Variants in PRELID2 observed in about 807,000 individuals in gnomAD.
The protein encoded by PRELID2 is PRELI domain containing 2.
PRELID2 carries 25 observed loss-of-function variants against 28.4 expected under a neutral mutation model. That is an observed-to-expected ratio of 0.88 (90% CI 0.64 to 1.23). The LOEUF is 1.23. Among genes scored for constraint, PRELID2 ranks in the 50% most tolerant of loss-of-function variants. The pLI, the probability that PRELID2 is intolerant of heterozygous loss-of-function variation, is 0.00. For missense variants in PRELID2, 201 were observed against 214.4 expected, an observed-to-expected ratio of 0.94 and a Z score of 0.39; for synonymous variants, 76 against 71.6, an observed-to-expected ratio of 1.06 and a Z score of -0.31.
the PRELID2 span, chr5:145,229,862 G>T: frequency 2.7e-6 from 2 of 754,122 alleles, no homozygotes; most frequent in Non-Finnish European, 4.9e-6. Flanking sequence ...AAGGGAAAGT[G>T]CAGGTGCCGG....
the PRELID2 span, among the ~76,000 whole-genome samples, chr5:145,451,389 C>A: frequency 1.3e-5 from 2 of 152,330 alleles, no homozygotes; most frequent in East Asian, 3.9e-4. Flanking sequence ...TACCGGTCAT[C>A]TTTGTTTTCT....
At chr5:145,348,145 A>C in the PRELID2 span, among the ~76,000 whole-genome samples, 1 of 152,182 alleles carries the variant, frequency 6.6e-6, no homozygotes, top group African/African-American at 2.4e-5. Flanking sequence ...GTTACGTGGC[A>C]ACAAACAAGA....
intron 1 of PRELID2, among the ~76,000 whole-genome samples, chr5:145,590,826 C>G (rs1223933372): frequency 6.6e-6 from 1 of 152,032 alleles, no homozygotes; most frequent in Non-Finnish European, 1.5e-5. Context: ...TGCCTATGCC[C>G]CCCACTGACA....
At chr5:145,391,343 C>A in the PRELID2 span, among the ~76,000 whole-genome samples, 2 of 152,200 alleles carry the variant, frequency 1.3e-5, no homozygotes, top group South Asian at 4.1e-4. Flanking sequence ...TTCCCCAAGG[C>A]TTGGGGTTTG....
At chr5:145,766,258 C>T (rs1757754121) in intron 5 of PRELID2, among the ~76,000 whole-genome samples, 3 of 152,072 alleles carry the variant, frequency 2.0e-5, no homozygotes, top group South Asian at 4.1e-4. Context: ...ATAAGGGGAA[C>T]TTAAAATACA....
At chr5:145,427,299 AT>A in the PRELID2 span, among the ~76,000 whole-genome samples, 1 of 152,214 alleles carries the variant, frequency 6.6e-6, no homozygotes, top group Non-Finnish European at 1.5e-5. Context: ...CTGGCTATGA[AT>A]TTTAACCCTC....
chr5:145,424,092 T>G, the PRELID2 span, among the ~76,000 whole-genome samples: 2 of 151,114 alleles, frequency 1.3e-5, no homozygotes, highest in African/African-American at 4.9e-5. Context: ...AGTCTGCCTG[T>G]TCTCAGATCT....
chr5:145,250,844 A>G, the PRELID2 span, among the ~76,000 whole-genome samples: 1 of 152,164 alleles, frequency 6.6e-6, no homozygotes, highest in Admixed American at 6.6e-5. Flanking sequence ...TTGGGAGGTT[A>G]GGTTGTGGAT....
intron 1 of PRELID2, among the ~76,000 whole-genome samples, chr5:145,735,926 T>C (rs1756483779): frequency 6.6e-6 from 1 of 152,214 alleles, no homozygotes; most frequent in Admixed American, 6.5e-5. Context: ...CTCGGCGCTC[T>C]CTCTGAAGTG....
intron 4 of PRELID2, among the ~76,000 whole-genome samples, chr5:145,805,788 T>C (rs1167157165): frequency 2.0e-5 from 3 of 152,206 alleles, no homozygotes; most frequent in African/African-American, 7.2e-5. Flanking sequence ...GGCTAGATGG[T>C]ATAGCCTATT....
the PRELID2 span, among the ~76,000 whole-genome samples, chr5:145,295,948 C>G: frequency 6.6e-6 from 1 of 151,998 alleles, no homozygotes; most frequent in Admixed American, 6.6e-5. Context: ...AAGACTTTTC[C>G]TTTATACTTG....
chr5:145,346,559 T>C, the PRELID2 span, among the ~76,000 whole-genome samples: 5 of 152,122 alleles, frequency 3.3e-5, no homozygotes, highest in Non-Finnish European at 7.4e-5. Context: ...TTAGGGGCTT[T>C]AAAACTAATA....
the PRELID2 span, among the ~76,000 whole-genome samples, chr5:145,430,331 T>C: frequency 6.6e-6 from 1 of 152,212 alleles, no homozygotes; most frequent in Non-Finnish European, 1.5e-5. Flanking sequence ...ACAAATTTCT[T>C]TGGCTTTGTA....
chr5:145,385,006 G>A, the PRELID2 span, among the ~76,000 whole-genome samples: 1 of 152,102 alleles, frequency 6.6e-6, no homozygotes, highest in Non-Finnish European at 1.5e-5. Flanking sequence ...AACCAGAACA[G>A]TAGTTTCTGA....
the PRELID2 span, among the ~76,000 whole-genome samples, chr5:145,423,933 T>C: frequency 2.0e-5 from 3 of 150,104 alleles, no homozygotes; most frequent in African/African-American, 7.4e-5. Context: ...GTCCTTTCTG[T>C]TTGTTAGTTT....
chr5:145,281,688 C>G, the PRELID2 span, among the ~76,000 whole-genome samples: 1 of 152,128 alleles, frequency 6.6e-6, no homozygotes, highest in Non-Finnish European at 1.5e-5. Flanking sequence ...AGTAGAAAGC[C>G]TTGTTTGTAT....
chr5:145,788,006 T>G (rs1164035679), intron 5 of PRELID2, among the ~76,000 whole-genome samples: 1 of 152,172 alleles, frequency 6.6e-6, no homozygotes, highest in Non-Finnish European at 1.5e-5. Context: ...AACACTGACC[T>G]AAGGAAAGCC....
chr5:145,249,904 T>C, the PRELID2 span, among the ~76,000 whole-genome samples: 1 of 151,736 alleles, frequency 6.6e-6, no homozygotes, highest in Non-Finnish European at 1.5e-5. Context: ...GTCAGTATAG[T>C]TTCCATGCCT....
chr5:145,606,957 T>A (rs1354132153), intron 1 of PRELID2, among the ~76,000 whole-genome samples: 1 of 152,168 alleles, frequency 6.6e-6, no homozygotes, highest in African/African-American at 2.4e-5. Context: ...AGTTTCTTCC[T>A]GGATCAATCT....
Sources: allele counts gnomAD v4.1 joint callset (sites outside exome capture counted in the v4.1 genomes callset), GRCh38; gene constraint gnomAD v4.1.1; transcripts MANE v1.5; gene names NCBI Gene and HGNC (gene_info 2026-07-23, HGNC 2026-07-21).